ULK4: variants seen among roughly 807,000 people sequenced by gnomAD.
The protein encoded by ULK4 is unc-51 like kinase 4.
In ULK4, 133 loss-of-function variants were observed where a neutral mutation model predicts 160.6. The ratio of observed to expected loss-of-function variants is 0.83; its 90% CI spans 0.72 to 0.96. The LOEUF (loss-of-function observed/expected upper bound fraction) is 0.96. Among genes scored for constraint, ULK4 ranks in the 40% least tolerant of loss-of-function variants. The probability of loss-of-function intolerance (pLI) is 0.00; values close to 1 mark genes in which losing one functional copy is unlikely to be tolerated. For synonymous variants in ULK4, 534 were observed against 539.8 expected (o/e 0.99, Z 0.15); for missense variants, 1,580 against 1,499.5 (o/e 1.05, Z -0.89).
In ULK4 at chr3:41,718,645, T is replaced by C. The variant is rs531176286; in HGVS notation, c.2322-784A>G. On this transcript the variant is annotated intron_variant, in intron 22 of 36. Transcript: ENST00000301831. The stretch of plus-strand genomic sequence containing the variant: ...ACTGATTTCACCATGCAAAAGGCCC[T>C]GTAAGGCAGTCTCCCTGGTTACCAT... 2.6e-5 allele frequency among the ~76,000 whole-genome samples: 4 copies of C among 152,310 alleles called. No individual in the cohort carries two copies. The South Asian group carries it at 8.3e-4, about 32-fold the overall frequency.
At chr3:41,598,366 C>T (rs1366057904) in intron 31 of ULK4, among the ~76,000 whole-genome samples, 1 of 152,126 alleles carries the variant, frequency 6.6e-6, no homozygotes, top group Non-Finnish European at 1.5e-5. Flanking sequence ...AAATAAAAAT[C>T]CAGTGTTTCA....
At chr3:41,767,267 C>T (rs1276327758) in intron 21 of ULK4, among the ~76,000 whole-genome samples, 1 of 152,042 alleles carries the variant, frequency 6.6e-6, no homozygotes, top group African/African-American at 2.4e-5. Flanking sequence ...CTGCAAAATA[C>T]CGAAAATTAG....
chr3:41,470,174 C>T (rs2083951813), intron 32 of ULK4, among the ~76,000 whole-genome samples: 1 of 151,888 alleles, frequency 6.6e-6, no homozygotes. Flanking sequence ...CACCAGGACA[C>T]ATAATCAAAT....
At chr3:41,410,444 T>G (rs536249350) in intron 34 of ULK4, among the ~76,000 whole-genome samples, 14 of 152,174 alleles carry the variant, frequency 9.2e-5, no homozygotes, top group Non-Finnish European at 1.8e-4. Flanking sequence ...TTTCCATATA[T>G]ATGAAATACC....
intron 35 of ULK4, among the ~76,000 whole-genome samples, chr3:41,259,471 G>C (rs2078903887): frequency 6.6e-6 from 1 of 152,184 alleles, no homozygotes; most frequent in African/African-American, 2.4e-5. Context: ...TGAGAACAGA[G>C]AAAACAATGG....
intron 19 of ULK4, among the ~76,000 whole-genome samples, chr3:41,815,925 T>C (rs1450065604): frequency 1.4e-4 from 22 of 152,062 alleles, no homozygotes; most frequent in African/African-American, 2.4e-5. Flanking sequence ...TTTCATAAGA[T>C]ACAAAAAGCA....
At chr3:41,748,315 A>G (rs1272758905) in intron 22 of ULK4, among the ~76,000 whole-genome samples, 1 of 151,410 alleles carries the variant, frequency 6.6e-6, no homozygotes, top group Non-Finnish European at 1.5e-5. Flanking sequence ...ACACGCACAT[A>G]CCATATATAT....
intron 16 of ULK4, among the ~76,000 whole-genome samples, chr3:41,889,015 T>A (rs960443594): frequency 6.6e-6 from 1 of 152,146 alleles, no homozygotes; most frequent in African/African-American, 2.4e-5. Context: ...AATTTAATCA[T>A]TTATTCATAA....
intron 5 of ULK4, among the ~76,000 whole-genome samples, chr3:41,927,545 T>C (rs1212813455): frequency 6.6e-6 from 1 of 151,804 alleles, no homozygotes; most frequent in Non-Finnish European, 1.5e-5. Flanking sequence ...TAAAAAGACA[T>C]AGACTGACAA....
chr3:41,463,489 C>A (rs2083745855), intron 32 of ULK4, among the ~76,000 whole-genome samples: 2 of 152,146 alleles, frequency 1.3e-5, no homozygotes, highest in African/African-American at 4.8e-5. Flanking sequence ...GATTTTGATG[C>A]AAAGGTTCCA....
At chr3:41,692,233 G>T (rs370094184) in intron 27 of ULK4, among the ~76,000 whole-genome samples, 1 of 148,608 alleles carries the variant, frequency 6.7e-6, no homozygotes, top group Non-Finnish European at 1.5e-5. Context: ...TTACAGGCGT[G>T]AGCCACCGCG....
At chr3:41,497,654 T>G (rs2085041663) in intron 32 of ULK4, among the ~76,000 whole-genome samples, 2 of 152,154 alleles carry the variant, frequency 1.3e-5, no homozygotes, top group Non-Finnish European at 2.9e-5. Context: ...CATTCCATAT[T>G]GATGATATAA....
intron 35 of ULK4, among the ~76,000 whole-genome samples, chr3:41,272,676 CATT>C (rs976529688): frequency 1.3e-4 from 20 of 151,868 alleles, no homozygotes; most frequent in African/African-American, 4.6e-4. Context: ...AAATTTCAAG[CATT>C]ATTCCTTCAA....
intron 30 of ULK4, among the ~76,000 whole-genome samples, chr3:41,619,039 T>C (rs2033117726): frequency 1.3e-5 from 2 of 151,726 alleles, no homozygotes; most frequent in South Asian, 4.2e-4. Flanking sequence ...AAGAAGGGCA[T>C]TACATAATGG....
chr3:41,828,238 C>T (rs57300805), intron 18 of ULK4, among the ~76,000 whole-genome samples: 10,225 of 142,192 alleles, frequency 0.072, 1,747 homozygotes, highest in African/African-American at 0.25. Flanking sequence ...AAAACTGGCA[C>T]AAGACAGGGA....
chr3:41,835,783 C>A, intron 18 of ULK4, 81 bp downstream of exon 18: 1 of 1,106,858 alleles, frequency 9.0e-7, no homozygotes, highest in African/African-American at 1.6e-5. Context: ...AATCAAAAAA[C>A]TTTTATAGGA....
rs1258549982 is a variant in ULK4 at position 41,691,937 on chromosome 3, TCA to T, written c.2782-10135_2782-10134del. ...AGCCCTAAAAATTATCTTCATCAAATCACTTCTTTTTTTTTTTTTTTTTTTTT... is the reference window on the plus strand; with the variant it reads ...AGCCCTAAAAATTATCTTCATCAAATCTTCTTTTTTTTTTTTTTTTTTTTT... On this transcript the variant is annotated intron_variant, in intron 27 of 36. Coordinates refer to ENST00000301831, the MANE Select transcript of ULK4 (RefSeq NM_017886.4). Among the ~76,000 whole-genome samples the T allele has an allele frequency of 1.1e-3, 153 of 140,854 alleles. 2 individuals carry two copies. The highest frequency in any genetic ancestry group is 7.5e-3 in the Middle Eastern group (2 of 268). 92.4% of individuals were successfully genotyped at this position (140,854 alleles called of 152,430 possible). A position where few individuals can be genotyped will look rare whatever the true frequency, so the allele number is the denominator to read the frequency against.
rs1340456624 is a variant in ULK4, at chr3:41,763,324, A to T, written c.2194-8836T>A. Among the ~76,000 whole-genome samples the T allele has an allele frequency of 2.0e-5, 3 of 152,228 alleles. No homozygotes were observed. The East Asian group carries it at 5.8e-4, about 29-fold the overall frequency. ...AGCAAGAAAGGTGTGAGCAGAAATCAATGAGGTGGGAAAAAACATTTTTAA... is the reference window on the plus strand; with the variant it reads ...AGCAAGAAAGGTGTGAGCAGAAATCTATGAGGTGGGAAAAAACATTTTTAA... On this transcript the variant is annotated intron_variant, in intron 21 of 36. Transcript: ENST00000301831.
chr3:41,290,597 G>A (rs1002378316), intron 35 of ULK4, among the ~76,000 whole-genome samples: 1 of 152,108 alleles, frequency 6.6e-6, no homozygotes, highest in Non-Finnish European at 1.5e-5. Context: ...ACTGGGAGGG[G>A]GTTCTGGGAG....
Sources: gnomAD v4.1 joint callset for allele counts (sites outside exome capture counted in the v4.1 genomes callset) on GRCh38, gnomAD v4.1.1 for gene constraint, MANE v1.5 for transcripts, NCBI Gene and HGNC (gene_info 2026-07-23, HGNC 2026-07-21) for gene names.